The following RELN variants were observed in gnomAD, a reference collection of about 807,000 sequenced individuals.
RELN encodes reelin.
A neutral mutation model predicts 427.6 loss-of-function variants in RELN; 108 were observed. That is an observed-to-expected ratio of 0.25 (90% CI 0.22 to 0.30). RELN has a LOEUF of 0.30. RELN is among the 10% of genes least tolerant of loss of function. RELN has a pLI of 1.00. For missense variants in RELN, 3,715 were observed against 4,302.8 expected (o/e 0.86, Z 3.82); for synonymous variants, 1,524 against 1,513.4 (o/e 1.01, Z -0.16).
In RELN at chr7:103,796,888, AAAAAAAG is replaced by A. The variant is rs1217326611; in HGVS notation, c.474-20268_474-20262del. ...GACTCCATCTCACAAAAAAAAAAAA[AAAAAAAG>A]AAAGAAAGAAAAAGAAAAAGAAAAA... On this transcript the variant is annotated intron_variant, in intron 3 of 64. Transcript: ENST00000428762. 9.7e-5 allele frequency among the ~76,000 whole-genome samples: 14 copies of A among 144,712 alleles called. 1 individual carries two copies. The highest frequency in any genetic ancestry group is 2.7e-4 in the African/African-American group (10 of 36,886). The allele number at this position is 144,712 out of a possible 152,430, so 94.9% of individuals were successfully genotyped here.
intron 2 of RELN, among the ~76,000 whole-genome samples, chr7:103,909,632 T>C (rs1337096431): frequency 1.6e-5 from 2 of 124,934 alleles, no homozygotes; most frequent in South Asian, 2.2e-4. Context: ...ATATTAAATA[T>C]ATTTAATAAA....
At position 103,733,418 on chromosome 7, in the gene RELN, G is replaced by T. The variant is rs573770115; in HGVS notation, c.657-5211C>A. Among the ~76,000 whole-genome samples, 3 of 133,254 alleles carry T rather than the reference G, an allele frequency of 2.3e-5. No individual in the cohort carries two copies. In the East Asian group the frequency reaches 6.3e-4, roughly 28 times the overall value. The allele number at this position is 133,254 out of a possible 152,430, so 87.4% of individuals were successfully genotyped here. On this transcript the variant is annotated intron_variant, in intron 6 of 64. Coordinates refer to ENST00000428762, the MANE Select transcript of RELN (RefSeq NM_005045.4). ...GGATCTAGAACAAGAAATACCATTT[G>T]ACCCAGCCATCCCATTACTGGGTAT...
intron 2 of RELN, among the ~76,000 whole-genome samples, chr7:103,899,290 G>T (rs140696945): frequency 0.051 from 7,762 of 152,050 alleles, 184 homozygotes; most frequent in East Asian, 0.072. Context: ...TGAAATTGAG[G>T]CAATAATTAA....
Position 103,717,492 on chromosome 7 carries a change from T to A in RELN, c.805+5648A>T, listed in dbSNP as rs571302556. On this transcript the variant is annotated intron_variant, in intron 8 of 64. Transcript: ENST00000428762. ...TCCATATATAAAACAAAAAAAAAAA[T>A]TTGTTTTAATATAGATATTTGAAGA... Among the ~76,000 whole-genome samples the A allele has an allele frequency of 1.8e-3, 249 of 141,164 alleles. 1 individual carries two copies. The highest frequency in any genetic ancestry group is 6.9e-3 in the African/African-American group (237 of 34,452). 92.6% of individuals were successfully genotyped at this position (141,164 alleles called of 152,430 possible).
At chr7:103,601,048 C>G (rs1831655133) in intron 24 of RELN, among the ~76,000 whole-genome samples, 2 of 152,300 alleles carry the variant, frequency 1.3e-5, no homozygotes, top group African/African-American at 4.8e-5. Flanking sequence ...GATAGTCTGT[C>G]TGACTTCAGA....
chr7:103,984,591 C>A (rs1368192691), intron 1 of RELN, among the ~76,000 whole-genome samples: 1 of 152,092 alleles, frequency 6.6e-6, no homozygotes, highest in Non-Finnish European at 1.5e-5. Flanking sequence ...ATTTAAGAAA[C>A]AATCTCAACC....
Position 103,557,037 on chromosome 7 carries a change from A to G in RELN, c.5737T>C (p.Leu1913=). Residue 1913 remains leucine, a synonymous_variant, in exon 38 of 65, where the codon TTG becomes CTG. Coordinates refer to ENST00000428762, the MANE Select transcript of RELN (RefSeq NM_005045.4). ...TTNILFINVP[L]PYTAQTNATR... is the part of the protein sequence containing the mutation. ...GCATTGGTTTGGGCAGTGTATGGCA[A>G]GGGAACATTGATGAAAAGTATATTC... 6.2e-7 allele frequency: 1 copy of G among 1,613,948 alleles called. No homozygotes were observed. Among genetic ancestry groups the G allele is most frequent in the South Asian group, 1.1e-5 (1 of 91,074 alleles).
chr7:103,647,515 G>T (rs1832821389), intron 16 of RELN, among the ~76,000 whole-genome samples: 1 of 145,652 alleles, frequency 6.9e-6, no homozygotes. Context: ...ATCTCTACAA[G>T]AGAAACTATG....
intron 2 of RELN, among the ~76,000 whole-genome samples, chr7:103,889,592 T>C (rs997774563): frequency 6.6e-6 from 1 of 152,148 alleles, no homozygotes. Flanking sequence ...GAGCCACTCC[T>C]TCCCCAGAAG....
At chr7:103,796,546 T>C (rs926759286) in intron 3 of RELN, among the ~76,000 whole-genome samples, 5 of 152,096 alleles carry the variant, frequency 3.3e-5, no homozygotes, top group South Asian at 2.1e-4. Flanking sequence ...AAGAGAGAAA[T>C]AGTCAAGAAA....
intron 22 of RELN, among the ~76,000 whole-genome samples, chr7:103,610,175 T>G (rs1161303626): frequency 2.0e-5 from 3 of 152,224 alleles, no homozygotes; most frequent in Non-Finnish European, 4.4e-5. Flanking sequence ...GCTTTTTTCT[T>G]TCACACTATC....
intron 2 of RELN, among the ~76,000 whole-genome samples, chr7:103,874,462 T>C (rs1326216640): frequency 2.8e-4 from 41 of 144,506 alleles, no homozygotes; most frequent in African/African-American, 5.5e-4. Context: ...AAAACCCCAT[T>C]GTCTCAGCCC....
chr7:103,587,341 A>T (rs1831299397), intron 28 of RELN, among the ~76,000 whole-genome samples: 1 of 152,230 alleles, frequency 6.6e-6, no homozygotes, highest in Non-Finnish European at 1.5e-5. Flanking sequence ...AGAAGAATGA[A>T]ACTGGACCCA....
chr7:103,667,681 T>C (rs1833300713), intron 11 of RELN, among the ~76,000 whole-genome samples: 1 of 152,220 alleles, frequency 6.6e-6, no homozygotes, highest in Admixed American at 6.5e-5. Flanking sequence ...TCAAACTTTG[T>C]TGGAAGTCAT....
chr7:103,629,925 TGA>T lies in RELN; in HGVS notation c.2702+13_2702+14del, dbSNP rs756463422. Reference sequence around the variant, plus strand: ...CTAGTGCAAATTGTAACAATAACAATGATGAAATCCTTACCAAAGGGTCCAGT... The same window carrying T: ...CTAGTGCAAATTGTAACAATAACAATTGAAATCCTTACCAAAGGGTCCAGT... On this transcript the variant is annotated intron_variant, in intron 20 of 64. Coordinates refer to ENST00000428762, the MANE Select transcript of RELN (RefSeq NM_005045.4). 1 of 1,445,850 alleles carries T rather than the reference TGA, an allele frequency of 6.9e-7. No individual in the cohort carries two copies. Among genetic ancestry groups the T allele is most frequent in the Non-Finnish European group, 9.7e-7 (1 of 1,026,890 alleles). 89.6% of individuals were successfully genotyped at this position (1,445,850 alleles called of 1,614,324 possible).
chr7:103,714,675 C>T (rs1789893625), intron 8 of RELN, among the ~76,000 whole-genome samples: 1 of 152,178 alleles, frequency 6.6e-6, no homozygotes, highest in African/African-American at 2.4e-5. Flanking sequence ...GTAGCCAAAA[C>T]AGCAGCAGTT....
chr7:103,964,140 T>C (rs6976042), intron 1 of RELN, among the ~76,000 whole-genome samples: 106,648 of 151,864 alleles, frequency 0.7, 38,058 homozygotes, highest in African/African-American at 0.83. Context: ...GCCTGGGTGA[T>C]AGAGCGAGAC....
chr7:103,737,482 T>C (rs1790524400), intron 6 of RELN, among the ~76,000 whole-genome samples: 1 of 152,236 alleles, frequency 6.6e-6, no homozygotes, highest in Non-Finnish European at 1.5e-5. Context: ...ATGGGGGTTG[T>C]CCAAGATACT....
intron 2 of RELN, among the ~76,000 whole-genome samples, chr7:103,856,966 AT>A (rs901532634): frequency 1.6e-4 from 24 of 152,318 alleles, no homozygotes; most frequent in Admixed American, 1.6e-3. Context: ...ACATATAAAC[AT>A]TTACAATATA....
Sources: gnomAD v4.1 joint callset for allele counts (sites outside exome capture counted in the v4.1 genomes callset) on GRCh38, gnomAD v4.1.1 for gene constraint, MANE v1.5 for transcripts, NCBI Gene and HGNC (gene_info 2026-07-23, HGNC 2026-07-21) for gene names.